PDE6A: variants seen among roughly 807,000 people sequenced by gnomAD.
PDE6A encodes rod cGMP-specific 3',5'-cyclic phosphodiesterase subunit alpha.
PDE6A carries 84 observed loss-of-function variants against 106.3 expected under a neutral mutation model. The ratio of observed to expected loss-of-function variants is 0.79; its 90% CI spans 0.66 to 0.95. PDE6A has a LOEUF of 0.95. PDE6A is among the 40% of genes least tolerant of loss of function. PDE6A has a pLI of 0.00. For missense variants in PDE6A, 1,052 were observed against 1,084.9 expected (o/e 0.97, Z 0.43); for synonymous variants, 394 against 386.6 (o/e 1.02, Z -0.23).
chr5:149,869,474 A>G (rs1760456460), intron 17 of PDE6A, among the ~76,000 whole-genome samples: 1 of 152,180 alleles, frequency 6.6e-6, no homozygotes, highest in Non-Finnish European at 1.5e-5. Flanking sequence ...CAGAAAATAG[A>G]AAGGGAGGGG....
intron 13 of PDE6A, among the ~76,000 whole-genome samples, chr5:149,890,108 C>A (rs1350494832): frequency 1.3e-5 from 2 of 151,762 alleles, no homozygotes; most frequent in Non-Finnish European, 2.9e-5. Context: ...GACACACCAC[C>A]ACACTAGGCT....
At chr5:149,906,050 G>A (rs563038866) in intron 7 of PDE6A, among the ~76,000 whole-genome samples, 2 of 151,914 alleles carry the variant, frequency 1.3e-5, no homozygotes, top group African/African-American at 4.8e-5. Context: ...TAGAGACGGA[G>A]TCTTGGTATG....
chr5:149,936,161 G>GGAAGGAAGGAAA (rs1312871320), intron 1 of PDE6A, among the ~76,000 whole-genome samples: 1 of 136,316 alleles, frequency 7.3e-6, no homozygotes, highest in Non-Finnish European at 1.6e-5. Context: ...CTCTAAAAAA[G>GGAAGGAAGGAAA]GAAGGAAGGA....
intron 17 of PDE6A, among the ~76,000 whole-genome samples, chr5:149,880,503 A>G (rs532444491): frequency 6.6e-6 from 1 of 152,264 alleles, no homozygotes; most frequent in Admixed American, 6.5e-5. Context: ...CGAGGTCAGG[A>G]GTTCGAGACC....
At chr5:149,894,973 G>C (rs73269712) in intron 13 of PDE6A, among the ~76,000 whole-genome samples, 39,660 of 152,060 alleles carry the variant, frequency 0.26, 6,252 homozygotes, top group African/African-American at 0.44. Context: ...CTGAGGTTGG[G>C]GGTAGCTTGC....
At chr5:149,894,349 A>C (rs1339491200) in intron 13 of PDE6A, among the ~76,000 whole-genome samples, 2 of 152,076 alleles carry the variant, frequency 1.3e-5, no homozygotes, top group South Asian at 2.1e-4. Flanking sequence ...AATTTCAGAA[A>C]ATTTCTCTGG....
chr5:149,873,118 T>C (rs1760619634), intron 17 of PDE6A, among the ~76,000 whole-genome samples: 1 of 152,190 alleles, frequency 6.6e-6, no homozygotes, highest in Non-Finnish European at 1.5e-5. Flanking sequence ...TATGTAAGAA[T>C]GAATTCAGTC....
intron 20 of PDE6A, 45 bp downstream of exon 20, chr5:149,866,125 T>C (rs762294317): frequency 1.5e-6 from 2 of 1,375,622 alleles, no homozygotes; most frequent in African/African-American, 2.8e-5. Context: ...AAATCCCAGG[T>C]TTATCAAAGA....
chr5:149,895,212 C>A lies in PDE6A; in HGVS notation c.1699G>T (p.Val567Leu), dbSNP rs537906487. ...AGCAGGGAGAACATGGTCTGCCCCA[C>A]GTTGAAGCCGTGCCGCCAGTTGTGG... ...TYHNWRHGFNVGQTMFSLLVT... is the reference protein window; with the variant it reads ...TYHNWRHGFNLGQTMFSLLVT... The change falls in exon 13 of 22, where the codon GTG becomes TTG. Residue 567 changes from valine (V) to leucine (L), a missense_variant. This residue lies in a region of PDE6A where 913 missense variants were observed against 915.2 expected (regional missense o/e 1.00). Transcript: ENST00000255266. 6.2e-7 allele frequency: 1 copy of A among 1,613,932 alleles called. No homozygotes were observed. Among genetic ancestry groups the A allele is most frequent in the Non-Finnish European group, 8.5e-7 (1 of 1,179,800 alleles).
intron 21 of PDE6A, among the ~76,000 whole-genome samples, chr5:149,861,732 A>G (rs1449917447): frequency 2.6e-5 from 4 of 152,228 alleles, no homozygotes; most frequent in Admixed American, 2.6e-4. Flanking sequence ...CCAAAAATTC[A>G]CATTTAAAAA....
At chr5:149,908,370 C>T (rs192649921) in intron 6 of PDE6A, among the ~76,000 whole-genome samples, 206 of 152,280 alleles carry the variant, frequency 1.4e-3, no homozygotes, top group Non-Finnish European at 1.1e-3. Flanking sequence ...TTTGTATCTT[C>T]AACTTTACTA....
chr5:149,874,160 G>C (rs1760655467), intron 17 of PDE6A, among the ~76,000 whole-genome samples: 1 of 152,246 alleles, frequency 6.6e-6, no homozygotes. Context: ...GACACCAACT[G>C]GGTGTCTTAC....
At chr5:149,889,421 A>T (rs1005668705) in intron 13 of PDE6A, among the ~76,000 whole-genome samples, 2 of 151,684 alleles carry the variant, frequency 1.3e-5, no homozygotes, top group Non-Finnish European at 2.9e-5. Flanking sequence ...CTGTATTTTT[A>T]TTTATTTATT....
At chr5:149,922,513 T>C (rs986014446) in intron 4 of PDE6A, among the ~76,000 whole-genome samples, 2 of 151,976 alleles carry the variant, frequency 1.3e-5, no homozygotes, top group Non-Finnish European at 2.9e-5. Flanking sequence ...GGTTTCACCA[T>C]ATTGGCCAGG....
intron 1 of PDE6A, among the ~76,000 whole-genome samples, chr5:149,941,546 T>A (rs1754326669): frequency 6.6e-6 from 1 of 152,228 alleles, no homozygotes; most frequent in Non-Finnish European, 1.5e-5. Context: ...GTGTTTACAC[T>A]TCCAGTAATG....
Position 149,886,372 on chromosome 5 carries a change from C to G in PDE6A, c.1731G>C (p.Thr577=), listed in dbSNP as rs760874208. The change falls in exon 14 of 22, where the codon ACG becomes ACC. Residue 577 remains threonine, a splice_region_variant and synonymous_variant. Transcript: ENST00000255266. ...VGQTMFSLLV[T]GKLKRYFTDL... is the part of the protein sequence containing the mutation. Reference sequence around the variant, plus strand: ...CCGTGAAGTAGCGCTTCAGCTTTCCCGTCTGGAAGGGCAATCAGAGTGCAA... The same window carrying G: ...CCGTGAAGTAGCGCTTCAGCTTTCCGGTCTGGAAGGGCAATCAGAGTGCAA... 1.2e-6 allele frequency: 2 copies of G among 1,612,050 alleles called. No individual in the cohort carries two copies. The highest frequency in any genetic ancestry group is 2.2e-5 in the South Asian group (2 of 91,024).
chr5:149,898,925 A>G (rs1752860706), intron 9 of PDE6A, among the ~76,000 whole-genome samples: 1 of 152,178 alleles, frequency 6.6e-6, no homozygotes, highest in South Asian at 2.1e-4. Flanking sequence ...TTGCAATGGC[A>G]CAATCATGGC....
intron 4 of PDE6A, among the ~76,000 whole-genome samples, chr5:149,926,795 T>G (rs1753875283): frequency 6.6e-6 from 1 of 151,992 alleles, no homozygotes; most frequent in African/African-American, 2.4e-5. Context: ...CTGGCCAACA[T>G]AGTAAAACCC....
intron 13 of PDE6A, among the ~76,000 whole-genome samples, chr5:149,888,852 G>A (rs1469743527): frequency 6.6e-6 from 1 of 151,952 alleles, no homozygotes; most frequent in East Asian, 1.9e-4. Context: ...GGGAGGCCGA[G>A]GCGGGCGGAT....
Sources: allele counts gnomAD v4.1 joint callset (sites outside exome capture counted in the v4.1 genomes callset), GRCh38; gene constraint gnomAD v4.1.1; regional missense constraint gnomAD v4.1.1; transcripts MANE v1.5; gene names NCBI Gene and HGNC (gene_info 2026-07-23, HGNC 2026-07-21).